The following TRAPPC8 variants were observed in gnomAD, a reference collection of about 807,000 sequenced individuals.
TRAPPC8 encodes the protein general sporulation gene 1 homolog.
TRAPPC8 carries 54 observed loss-of-function variants against 174.3 expected under a neutral mutation model. That is an observed-to-expected ratio of 0.31 (90% CI 0.25 to 0.39). The LOEUF (loss-of-function observed/expected upper bound fraction) is 0.39. Ranked by LOEUF, TRAPPC8 falls within the 10% of genes least tolerant of loss-of-function variation. The pLI is 1.00. For missense variants in TRAPPC8, 1,531 were observed against 1,699.1 expected, an observed-to-expected ratio of 0.90 and a Z score of 1.74; for synonymous variants, 630 against 579.9, an observed-to-expected ratio of 1.09 and a Z score of -1.24.
intron 18 of TRAPPC8, among the ~76,000 whole-genome samples, chr18:31,866,075 A>G (rs1395668714): frequency 6.6e-6 from 1 of 152,066 alleles, no homozygotes; most frequent in African/African-American, 2.4e-5. Context: ...CACTTTCTCA[A>G]TGTTAATAAT....
At chr18:31,924,708 A>C (rs2145590435) in intron 2 of TRAPPC8, among the ~76,000 whole-genome samples, 1 of 144,076 alleles carries the variant, frequency 6.9e-6, no homozygotes, top group Admixed American at 7.3e-5. Context: ...ACTGCACTCC[A>C]GCCTGGGCAA....
chr18:31,929,800 G>A (rs1013948198), intron 2 of TRAPPC8, among the ~76,000 whole-genome samples: 1 of 152,198 alleles, frequency 6.6e-6, no homozygotes, highest in Non-Finnish European at 1.5e-5. Context: ...CTACAACACT[G>A]ATGAGAGAAA....
Position 31,942,626 on chromosome 18 carries a change from A to C in TRAPPC8, c.139T>G (p.Ser47Ala). 1 of 1,606,966 alleles carries C rather than the reference A, an allele frequency of 6.2e-7. No individual in the cohort carries two copies. Among genetic ancestry groups the C allele is most frequent in the Non-Finnish European group, 8.5e-7 (1 of 1,176,428 alleles). The change falls in exon 1 of 29, where the codon TCC becomes GCC. Residue 47 changes from serine (S) to alanine (A), a missense_variant. Coordinates refer to ENST00000283351, the MANE Select transcript of TRAPPC8 (RefSeq NM_014939.5). ...CACATACCCTCGGAAGTGAGGCGGG[A>C]GAAGGGCTTAAGCAGCTCCGCGAAG... ...LSFAELLKPF[S>A]RLTSEVHMRD...
rs1439681688 is a variant in TRAPPC8, at chr18:31,874,476, T to C, written c.1953+4A>G. On this transcript the variant is annotated splice_donor_region_variant and intron_variant, in intron 13 of 28. Transcript: ENST00000283351. ...TCTATTCCTGAATGAAAATAAGCAG[T>C]CACCTTGTAAACATAAAGATATTCT... is the stretch of plus-strand genomic sequence containing the variant. The C allele has an allele frequency of 6.2e-7, 1 of 1,612,816 alleles. No individual in the cohort carries two copies. The highest frequency in any genetic ancestry group is 1.3e-5 in the African/African-American group (1 of 75,018).
At chr18:31,940,764 T>G (rs1339562959) in intron 1 of TRAPPC8, among the ~76,000 whole-genome samples, 2 of 152,176 alleles carry the variant, frequency 1.3e-5, no homozygotes, top group Non-Finnish European at 2.9e-5. Context: ...CCCAAAGAGC[T>G]GGGATTACAA....
At position 31,855,802 on chromosome 18, in the gene TRAPPC8, C is replaced by G; in HGVS notation, c.3194G>C (p.Arg1065Thr). The G allele has an allele frequency of 6.4e-7, 1 of 1,574,566 alleles. No individual in the cohort carries two copies. The highest frequency in any genetic ancestry group is 8.6e-7 in the Non-Finnish European group (1 of 1,168,894). Residue 1065 changes from arginine (R) to threonine (T), a missense_variant, in exon 21 of 29, where the codon AGA (arginine) becomes ACA (threonine). By Grantham distance (71) the Arg-to-Thr change is moderately conservative (BLOSUM62 -1). Transcript: ENST00000283351. ...AATAATTGCAGTGTGTCTTAATATTCTGTGCCTGAAGTTAAAAAAAAAAAA... is the reference window on the plus strand; with the variant it reads ...AATAATTGCAGTGTGTCTTAATATTGTGTGCCTGAAGTTAAAAAAAAAAAA... ...SVKKQPKIRH[R>T]ILRHTAIICT...
intron 27 of TRAPPC8, chr18:31,833,165 A>T (rs1279218896): frequency 1.3e-5 from 2 of 152,232 alleles, no homozygotes; most frequent in African/African-American, 4.8e-5. Flanking sequence ...GTCAGTCTGA[A>T]GCATCTCATT....
In TRAPPC8 at chr18:31,839,467, G is replaced by GA; in HGVS notation, c.3838-11dup. ...CCATTTCTGGTGGCTCCTGAGAAAA[G>GA]AAAGAAAAAACATATGACAATAAAA... is the stretch of plus-strand genomic sequence containing the variant. On this transcript the variant is annotated splice_polypyrimidine_tract_variant and intron_variant, in intron 26 of 28. Transcript: ENST00000283351. 2 of 1,465,490 alleles carry GA rather than the reference G, an allele frequency of 1.4e-6. No homozygotes were observed. Among genetic ancestry groups the GA allele is most frequent in the African/African-American group, 3.1e-5 (2 of 63,648 alleles). 90.8% of individuals were successfully genotyped at this position (1,465,490 alleles called of 1,614,324 possible). A position where few individuals can be genotyped will look rare whatever the true frequency, so the allele number is the denominator to read the frequency against.
chr18:31,932,724 G>A (rs1163460585), intron 1 of TRAPPC8, among the ~76,000 whole-genome samples: 4 of 152,136 alleles, frequency 2.6e-5, no homozygotes, highest in Admixed American at 2.6e-4. Context: ...GCTCACGCCT[G>A]TAATCCCAGC....
At chr18:31,903,279 G>A (rs546697585) in intron 9 of TRAPPC8, among the ~76,000 whole-genome samples, 2 of 152,056 alleles carry the variant, frequency 1.3e-5, no homozygotes, top group Non-Finnish European at 2.9e-5. Flanking sequence ...ATTTAGGGTT[G>A]TACTTTCAGA....
At chr18:31,854,017 A>C in intron 21 of TRAPPC8, 72 bp from the exon 22 acceptor site, 1 of 1,139,616 alleles carries the variant, frequency 8.8e-7, no homozygotes, top group Non-Finnish European at 1.3e-6. Context: ...TGAGAATAAA[A>C]TTCAGACACT....
chr18:31,836,758 CTTTTTT>C (rs68104803), intron 27 of TRAPPC8, among the ~76,000 whole-genome samples: 11 of 89,870 alleles, frequency 1.2e-4, no homozygotes, highest in South Asian at 4.3e-4. Flanking sequence ...ATCTTTCAGT[CTTTTTT>C]TTTTTTTTTT....
chr18:31,907,070 A>C (rs1026057983), intron 9 of TRAPPC8, among the ~76,000 whole-genome samples: 12 of 152,342 alleles, frequency 7.9e-5, no homozygotes, highest in African/African-American at 2.6e-4. Context: ...GTTGGAAAGT[A>C]CTAATAAAGA....
intron 16 of TRAPPC8, 134 bp downstream of exon 16, chr18:31,870,238 T>G (rs968649411): frequency 1.4e-6 from 1 of 739,318 alleles, no homozygotes; most frequent in Non-Finnish European, 2.0e-6. Context: ...TAAGTACATA[T>G]CATAATTTTT....
At position 31,871,363 on chromosome 18, in the gene TRAPPC8, T is replaced by C. The variant is rs558875927; in HGVS notation, c.2063-243A>G. ...TATTTTCCCTCGTGTCCACAAGCAATTTTTATATAAAACATTTCAAATATA... is the reference window on the plus strand; with the variant it reads ...TATTTTCCCTCGTGTCCACAAGCAACTTTTATATAAAACATTTCAAATATA... On this transcript the variant is annotated intron_variant, in intron 14 of 28. Transcript: ENST00000283351. 3.9e-5 allele frequency among the ~76,000 whole-genome samples: 6 copies of C among 152,236 alleles called. No individual in the cohort carries two copies. In the South Asian group the frequency reaches 1.2e-3, roughly 32 times the overall value.
chr18:31,831,009 T>TA lies in TRAPPC8; in HGVS notation c.4074-21dup, dbSNP rs773457874. On this transcript the variant is annotated intron_variant, in intron 28 of 28. Coordinates refer to ENST00000283351, the MANE Select transcript of TRAPPC8 (RefSeq NM_014939.5). ...TCTGGACTAAGGGAGGAGGAAAATG[T>TA]AAGTTGCAGGATTTTTTTCTTTTTA... The TA allele has an allele frequency of 5.1e-6, 8 of 1,579,318 alleles. No homozygotes were observed. The highest frequency in any genetic ancestry group is 1.4e-5 in the African/African-American group (1 of 73,430).
rs373792448 is a variant in TRAPPC8, at chr18:31,843,921, G to A, written c.3837+2795C>T. 4.5e-4 allele frequency among the ~76,000 whole-genome samples: 69 copies of A among 152,258 alleles called. No individual in the cohort carries two copies. In the South Asian group the frequency reaches 0.014, roughly 30 times the overall value. ...ACAGAGTCTCATTTGTAAAATGGGT[G>A]TAATTCTACCTGCCTTGCTTACAGA... On this transcript the variant is annotated intron_variant, in intron 26 of 28. Coordinates refer to ENST00000283351, the MANE Select transcript of TRAPPC8 (RefSeq NM_014939.5).
chr18:31,922,308 TGTGGCTGGGCGTG>T (rs2037423631), intron 2 of TRAPPC8, among the ~76,000 whole-genome samples: 3 of 152,192 alleles, frequency 2.0e-5, no homozygotes, highest in Admixed American at 2.0e-4. Context: ...ACTGGTAGCT[TGTGGCTGGGCGTG>T]GTGGCTCATG....
intron 11 of TRAPPC8, among the ~76,000 whole-genome samples, chr18:31,895,099 G>A (rs1450527631): frequency 6.6e-6 from 1 of 152,158 alleles, no homozygotes; most frequent in Admixed American, 6.5e-5. Context: ...TCAAAGCACA[G>A]CTCCTCCTTT....
Sources: gnomAD v4.1 joint callset for allele counts (sites outside exome capture counted in the v4.1 genomes callset) on GRCh38, gnomAD v4.1.1 for gene constraint, MANE v1.5 for transcripts, NCBI Gene and HGNC (gene_info 2026-07-23, HGNC 2026-07-21) for gene names.